Variants in TEAD1 observed in about 807,000 individuals in gnomAD.
TEAD1 encodes transcriptional enhancer factor TEF-1.
In TEAD1, 9 loss-of-function variants were observed where a neutral mutation model predicts 54.9. The ratio of observed to expected loss-of-function variants is 0.16; its 90% CI spans 0.10 to 0.29. The LOEUF (loss-of-function observed/expected upper bound fraction) is 0.29. TEAD1 is among the 10% of genes least tolerant of loss of function. The pLI is 1.00. For missense variants in TEAD1, 387 were observed against 535.9 expected (o/e 0.72, Z 2.74); for synonymous variants, 200 against 187.8 (o/e 1.07, Z -0.53).
intron 3 of TEAD1, among the ~76,000 whole-genome samples, chr11:12,852,241 C>CT (rs1178246765): frequency 3.8e-5 from 1 of 26,280 alleles, no homozygotes; most frequent in African/African-American, 6.6e-5. Context: ...AGGTACCAGA[C>CT]TAAGGAGTTT....
At chr11:12,925,896 C>T (rs946105990) in intron 11 of TEAD1, among the ~76,000 whole-genome samples, 2 of 152,192 alleles carry the variant, frequency 1.3e-5, no homozygotes, top group Non-Finnish European at 2.9e-5. Flanking sequence ...CCACTGCCTT[C>T]GCTTTTAATT....
rs149044624 is a variant in TEAD1, at chr11:12,698,060, G to A, written c.-55+22499G>A. Among the ~76,000 whole-genome samples the A allele has an allele frequency of 4.7e-3, 709 of 150,568 alleles. 5 individuals are homozygous for A. In the Middle Eastern group the frequency reaches 0.071, roughly 15 times the overall value. ...AAAAGGGCCCTCAGAACAGGGACCA[G>A]AGGGGTTTAGACTTTTATAAGTGTG... On this transcript the variant is annotated intron_variant, in intron 2 of 12. Transcript: ENST00000527636.
chr11:12,808,129 A>G (rs937241893), intron 3 of TEAD1, among the ~76,000 whole-genome samples: 1 of 152,196 alleles, frequency 6.6e-6, no homozygotes, highest in Non-Finnish European at 1.5e-5. Context: ...TAAATGCACT[A>G]TTCATTTCAT....
chr11:12,699,648 T>G (rs1943654366), intron 2 of TEAD1, among the ~76,000 whole-genome samples: 1 of 152,224 alleles, frequency 6.6e-6, no homozygotes, highest in African/African-American at 2.4e-5. Flanking sequence ...CTCACTAGAT[T>G]ATAAGCCTCA....
intron 2 of TEAD1, among the ~76,000 whole-genome samples, chr11:12,713,014 T>C (rs1229627362): frequency 6.6e-6 from 1 of 152,100 alleles, no homozygotes; most frequent in Non-Finnish European, 1.5e-5. Context: ...CCTGTGCATT[T>C]GTTTGTTTGT....
At chr11:12,906,555 AAAAG>A (rs1198542839) in intron 10 of TEAD1, among the ~76,000 whole-genome samples, 1 of 142,110 alleles carries the variant, frequency 7.0e-6, no homozygotes, top group African/African-American at 2.6e-5. Flanking sequence ...AAAAAAAAAA[AAAAG>A]AAAGAAAGAA....
In TEAD1 at chr11:12,764,433, T is replaced by C; in HGVS notation, c.201T>C (p.Tyr67=). 1 of 1,614,090 alleles carries C rather than the reference T, an allele frequency of 6.2e-7. No homozygotes were observed. Residue 67 remains tyrosine (Y), a splice_region_variant and synonymous_variant, in exon 3 of 13, where the codon TAT becomes TAC. Transcript: ENST00000527636. ...TCTTATCAGACGAAGGCAAAATGTA[T>C]GGTAAGTGGCCTGGAACACTCCTTT...
At chr11:12,894,596 G>A (rs1438611862) in intron 9 of TEAD1, among the ~76,000 whole-genome samples, 2 of 152,158 alleles carry the variant, frequency 1.3e-5, no homozygotes, top group South Asian at 2.1e-4. Context: ...AGAGGGTACT[G>A]TGTGCCTGAG....
intron 3 of TEAD1, among the ~76,000 whole-genome samples, chr11:12,812,471 G>A (rs182713043): frequency 6.6e-6 from 1 of 152,200 alleles, no homozygotes; most frequent in Non-Finnish European, 1.5e-5. Flanking sequence ...AGAGCTCAGA[G>A]CCTAATATGG....
intron 2 of TEAD1, among the ~76,000 whole-genome samples, chr11:12,723,464 G>C (rs1484645446): frequency 1.3e-5 from 2 of 152,136 alleles, no homozygotes; most frequent in East Asian, 3.9e-4. Context: ...GAATTCATCT[G>C]TAAAATAAAT....
At position 12,745,539 on chromosome 11, in the gene TEAD1, G is replaced by A. The variant is rs147808934; in HGVS notation, c.-54-18640G>A. On this transcript the variant is annotated intron_variant, in intron 2 of 12. Transcript: ENST00000527636. ...AAAAACACAGAATCGCTGCCTGTCTGCATGTCAACTGCTGGTCTGGCTGCC... is the reference window on the plus strand; with the variant it reads ...AAAAACACAGAATCGCTGCCTGTCTACATGTCAACTGCTGGTCTGGCTGCC... Among the ~76,000 whole-genome samples, 332 of 149,820 alleles carry A rather than the reference G, an allele frequency of 2.2e-3. 5 individuals carry two copies. Among genetic ancestry groups the A allele is most frequent in the East Asian group, 8.8e-3 (45 of 5,134 alleles).
Position 12,722,693 on chromosome 11 carries a change from G to A in TEAD1, c.-54-41486G>A, listed in dbSNP as rs370856845. The stretch of plus-strand genomic sequence containing the variant: ...AAAAATACACTATAACCGCAAAAAA[G>A]ACAGTCAAACAAAAGAGGGAAAAAA... On this transcript the variant is annotated intron_variant, in intron 2 of 12. Transcript: ENST00000527636. 4.8e-3 allele frequency among the ~76,000 whole-genome samples: 683 copies of A among 143,332 alleles called. 5 individuals carry two copies. The highest frequency in any genetic ancestry group is 0.016 in the African/African-American group (648 of 39,398). 94.0% of individuals were successfully genotyped at this position (143,332 alleles called of 152,430 possible).
intron 9 of TEAD1, among the ~76,000 whole-genome samples, chr11:12,898,326 G>A (rs535265794): frequency 1.3e-5 from 2 of 152,076 alleles, no homozygotes; most frequent in East Asian, 3.9e-4. Flanking sequence ...TCTACCTCAG[G>A]ATCTAGTGAA....
intron 5 of TEAD1, chr11:12,878,939 C>G: frequency 7.8e-7 from 1 of 1,276,688 alleles, no homozygotes; most frequent in Non-Finnish European, 1.0e-6. Context: ...TGTATTTTAG[C>G]TGTGCTTGGC....
chr11:12,812,540 C>T (rs566640350), intron 3 of TEAD1, among the ~76,000 whole-genome samples: 1 of 152,086 alleles, frequency 6.6e-6, no homozygotes, highest in African/African-American at 2.4e-5. Context: ...CACATTGACA[C>T]AAATTTTTAA....
chr11:12,825,653 C>T (rs1235188694), intron 3 of TEAD1, among the ~76,000 whole-genome samples: 2 of 152,086 alleles, frequency 1.3e-5, no homozygotes, highest in Non-Finnish European at 2.9e-5. Flanking sequence ...AATTGTCAAG[C>T]TGTTTCTAAC....
intron 2 of TEAD1, among the ~76,000 whole-genome samples, chr11:12,712,693 C>A (rs1943966697): frequency 6.6e-6 from 1 of 152,170 alleles, no homozygotes; most frequent in African/African-American, 2.4e-5. Flanking sequence ...GGAAATATAT[C>A]AATCACGTGA....
In TEAD1 at chr11:12,884,733, G is replaced by A. The variant is rs558198114; in HGVS notation, c.699+1608G>A. Among the ~76,000 whole-genome samples the A allele has an allele frequency of 7.2e-5, 11 of 152,254 alleles. No homozygotes were observed. In the East Asian group the frequency reaches 2.1e-3, roughly 29 times the overall value. On this transcript the variant is annotated intron_variant, in intron 9 of 12. Coordinates refer to ENST00000527636, the MANE Select transcript of TEAD1 (RefSeq NM_021961.6). The stretch of plus-strand genomic sequence containing the variant: ...ATCAGGACAGGTACAAGAAAATGGG[G>A]CTATTCAGACCAGGAAAGAGAAGAA...
chr11:12,873,064 T>A (rs774859930), intron 5 of TEAD1, among the ~76,000 whole-genome samples: 5 of 152,252 alleles, frequency 3.3e-5, no homozygotes, highest in African/African-American at 4.8e-5. Context: ...GATGTTCTTC[T>A]GCCTTCCCAA....
Sources: gnomAD v4.1 joint callset for allele counts (sites outside exome capture counted in the v4.1 genomes callset) on GRCh38, gnomAD v4.1.1 for gene constraint, MANE v1.5 for transcripts, NCBI Gene and HGNC (gene_info 2026-07-23, HGNC 2026-07-21) for gene names.